Variants in CDC16 observed in about 807,000 individuals in gnomAD.
The protein encoded by CDC16 is cell division cycle 16.
Under a neutral mutation model 87.0 loss-of-function variants are expected in CDC16, and 34 were observed. The observed-to-expected ratio is 0.39, with a 90% CI of 0.30 to 0.52. The LOEUF (loss-of-function observed/expected upper bound fraction) is 0.52, where lower values mean the gene tolerates loss of function less well. Among genes scored for constraint, CDC16 ranks in the 20% least tolerant of loss-of-function variants. The pLI, the probability that CDC16 is intolerant of heterozygous loss-of-function variation, is 0.74. For synonymous variants in CDC16, 263 were observed against 260.6 expected (o/e 1.01, Z -0.09); for missense variants, 653 against 751.9 (o/e 0.87, Z 1.54).
Position 114,250,561 on chromosome 13 carries a change from A to G in CDC16, c.984A>G (p.Thr328=), listed in dbSNP as rs17291320. The G allele has an allele frequency of 6.9e-4, 1,106 of 1,613,832 alleles. 12 individuals carry two copies. The African/African-American group carries it at 0.013, about 19-fold the overall frequency. ...HARRYLSKAT[T]LEKTYGPAWI... ...TCTTTTGTTTTAGCAAAGCCACAACACTTGAGAAAACCTATGGACCTGCAT... is the reference window on the plus strand; with the variant it reads ...TCTTTTGTTTTAGCAAAGCCACAACGCTTGAGAAAACCTATGGACCTGCAT... Residue 328 remains threonine, a synonymous_variant, in exon 12 of 18, where the codon ACA becomes ACG. Transcript: ENST00000356221.
At chr13:114,271,684 TG>T (rs1336400001) in intron 17 of CDC16, among the ~76,000 whole-genome samples, 2 of 151,272 alleles carry the variant, frequency 1.3e-5, no homozygotes, top group African/African-American at 2.4e-5. Flanking sequence ...GGTTTCACCG[TG>T]TTAGCCAGGA....
At chr13:114,249,719 C>T (rs1369594567) in intron 11 of CDC16, among the ~76,000 whole-genome samples, 1 of 152,122 alleles carries the variant, frequency 6.6e-6, no homozygotes, top group African/African-American at 2.4e-5. Context: ...GTATACCTGT[C>T]TTTAAAATAT....
At chr13:114,258,770 T>G (rs2082660680) in intron 13 of CDC16, among the ~76,000 whole-genome samples, 1 of 152,016 alleles carries the variant, frequency 6.6e-6, no homozygotes, top group Non-Finnish European at 1.5e-5. Flanking sequence ...GGTTCAATAT[T>G]TGCTAACTCA....
At chr13:114,270,435 G>A (rs561267665) in intron 17 of CDC16, among the ~76,000 whole-genome samples, 10 of 152,268 alleles carry the variant, frequency 6.6e-5, no homozygotes, top group African/African-American at 1.9e-4. Flanking sequence ...TGAGGATTAC[G>A]GTTCACCCTG....
At chr13:114,266,422 T>C (rs2083214851) in intron 17 of CDC16, among the ~76,000 whole-genome samples, 1 of 152,144 alleles carries the variant, frequency 6.6e-6, no homozygotes, top group South Asian at 2.1e-4. Flanking sequence ...GTAATACCCA[T>C]TGTAAAGTTG....
intron 12 of CDC16, among the ~76,000 whole-genome samples, chr13:114,255,644 G>A (rs1009678): frequency 0.3 from 45,947 of 151,610 alleles, 8,988 homozygotes; most frequent in African/African-American, 0.55. Flanking sequence ...CATTTCTGAT[G>A]AAGAATACTC....
chr13:114,269,623 A>G (rs1333334448), intron 17 of CDC16, among the ~76,000 whole-genome samples: 2 of 152,250 alleles, frequency 1.3e-5, no homozygotes, highest in Non-Finnish European at 2.9e-5. Flanking sequence ...AAATTGTGGT[A>G]TGTTCATACA....
At chr13:114,269,259 G>T (rs1041294143) in intron 17 of CDC16, among the ~76,000 whole-genome samples, 24 of 152,206 alleles carry the variant, frequency 1.6e-4, no homozygotes, top group African/African-American at 5.8e-4. Flanking sequence ...ATGTTCCCAG[G>T]GTTCTAAAGG....
At position 114,261,603 on chromosome 13, in the gene CDC16, G is replaced by A. The variant is rs2082865708; in HGVS notation, c.1315-284G>A. Among the ~76,000 whole-genome samples, 4 of 152,166 alleles carry A rather than the reference G, an allele frequency of 2.6e-5. No homozygotes were observed. In the South Asian group the frequency reaches 8.3e-4, roughly 32 times the overall value. ...ATTTAGCAGGCAGATGGATAGAGAG[G>A]TCTGGTGTTTGAGGGAAAGCTCTGA... is the stretch of plus-strand genomic sequence containing the variant. On this transcript the variant is annotated intron_variant, in intron 14 of 17. Transcript: ENST00000356221.
intron 16 of CDC16, chr13:114,264,787 T>G (rs112306724): frequency 1.1e-5 from 2 of 177,864 alleles, no homozygotes; most frequent in Non-Finnish European, 2.4e-5. Flanking sequence ...GTATTTTTTA[T>G]TAGAGACGGG....
intron 8 of CDC16, 82 bp downstream of exon 8, chr13:114,244,071 A>G: frequency 6.3e-6 from 6 of 951,084 alleles, no homozygotes; most frequent in Non-Finnish European, 9.8e-6. Flanking sequence ...TGCTCTCTGA[A>G]TAATCTTGAA....
intron 16 of CDC16, 119 bp from the exon 17 acceptor site, chr13:114,265,030 GT>G: frequency 1.4e-6 from 1 of 731,012 alleles, no homozygotes; most frequent in Non-Finnish European, 2.5e-6. Context: ...GGCCAGTCAT[GT>G]AGCTATGTCT....
rs1471474482 is a variant in CDC16 at position 114,244,918 on chromosome 13, A to C, written c.796A>C (p.Ser266Arg). Residue 266 changes from serine to arginine, a missense_variant, in exon 9 of 18, where the codon AGT becomes CGT. Coordinates refer to ENST00000356221, the MANE Select transcript of CDC16 (RefSeq NM_001078645.3). ...VVMEKDPFHA[S>R]CLPVHIGTLV... ...AATGGAGAAAGATCCTTTCCATGCAAGTTGTTTACCTGTACATATAGGGAC... is the reference window on the plus strand; with the variant it reads ...AATGGAGAAAGATCCTTTCCATGCACGTTGTTTACCTGTACATATAGGGAC... 6.2e-7 allele frequency: 1 copy of C among 1,611,688 alleles called. No homozygotes were observed.
rs751044276 is a variant in CDC16 at position 114,246,011 on chromosome 13, C to T, written c.859C>T (p.Leu287Phe). 1.8e-5 allele frequency: 27 copies of T among 1,486,930 alleles called. No individual in the cohort carries two copies. The highest frequency in any genetic ancestry group is 1.5e-4 in the Admixed American group (8 of 53,106). 92.1% of individuals were successfully genotyped at this position (1,486,930 alleles called of 1,614,324 possible). A position where few individuals can be genotyped will look rare whatever the true frequency, so the allele number is the denominator to read the frequency against. Residue 287 changes from leucine to phenylalanine, a missense_variant, in exon 10 of 18, where the codon CTT (leucine) becomes TTT (phenylalanine). Physicochemically the swap from Leu to Phe is conservative, Grantham distance 22 (BLOSUM62 0). Transcript: ENST00000356221. Reference sequence around the variant, plus strand: ...TTTTTCCTGAACAGAACTTTTCTATCTTTCTCATAAACTGGTGGATTTATA... The same window carrying T: ...TTTTTCCTGAACAGAACTTTTCTATTTTTCTCATAAACTGGTGGATTTATA... ...ELNKANELFY[L>F]SHKLVDLYPS...
At chr13:114,246,185 T>A in intron 10 of CDC16, 136 bp downstream of exon 10, 1 of 529,936 alleles carries the variant, frequency 1.9e-6, no homozygotes, top group Non-Finnish European at 3.3e-6. Context: ...AATCTCCTAG[T>A]GTTTATTGTA....
At chr13:114,235,216 G>A (rs150826606) in intron 1 of CDC16, 84 bp downstream of exon 1, 6 of 975,516 alleles carry the variant, frequency 6.2e-6, no homozygotes, top group African/African-American at 1.7e-5. Context: ...GACTGTTGTC[G>A]GGGCTCTTGG....
intron 16 of CDC16, among the ~76,000 whole-genome samples, chr13:114,263,784 A>C (rs2083011050): frequency 1.3e-5 from 2 of 152,166 alleles, no homozygotes. Context: ...GTGTCAACAG[A>C]AGGTTTTTAG....
Position 114,261,258 on chromosome 13 carries a change from T to C in CDC16, c.1315-629T>C, listed in dbSNP as rs183048037. Among the ~76,000 whole-genome samples, 133 of 152,150 alleles carry C rather than the reference T, an allele frequency of 8.7e-4. 1 individual carries two copies. In the Middle Eastern group the frequency reaches 0.014, roughly 16 times the overall value. On this transcript the variant is annotated intron_variant, in intron 14 of 17. Transcript: ENST00000356221. ...ACTAAAGGCCCAGAATGAAAGAGTTTGTGCCTTATCCTGAGGAGAATGGGA... is the reference window on the plus strand; with the variant it reads ...ACTAAAGGCCCAGAATGAAAGAGTTCGTGCCTTATCCTGAGGAGAATGGGA...
At position 114,235,047 on chromosome 13, in the gene CDC16, A is replaced by G. The variant is rs1213077535; in HGVS notation, c.-38A>G. 1.1e-5 allele frequency: 14 copies of G among 1,245,556 alleles called. No homozygotes were observed. The highest frequency in any genetic ancestry group is 6.9e-5 in the South Asian group (2 of 29,014). 77.2% of individuals were successfully genotyped at this position (1,245,556 alleles called of 1,614,324 possible). The stretch of plus-strand genomic sequence containing the variant: ...CTTAGGGTGCAGGAGGCGCGCGCCT[A>G]GCGGCGGAGTGTGGCGTGAGGCCGG... On this transcript the variant is annotated 5_prime_UTR_variant, in exon 1 of 18. Coordinates refer to ENST00000356221, the MANE Select transcript of CDC16 (RefSeq NM_001078645.3).
Sources: allele counts gnomAD v4.1 joint callset (sites outside exome capture counted in the v4.1 genomes callset), GRCh38; gene constraint gnomAD v4.1.1; transcripts MANE v1.5; gene names NCBI Gene and HGNC (gene_info 2026-07-23, HGNC 2026-07-21).